The following CSMD1 variants were observed in gnomAD, a reference collection of about 807,000 sequenced individuals.
CSMD1 encodes the protein CUB and sushi domain-containing protein 1.
CSMD1 carries 213 observed loss-of-function variants against 417.5 expected under a neutral mutation model. That is an observed-to-expected ratio of 0.51 (90% confidence interval 0.46 to 0.57). CSMD1 has a LOEUF of 0.57. Ranked by LOEUF, CSMD1 falls within the 20% of genes least tolerant of loss-of-function variation. The pLI is 0.00. For missense variants in CSMD1, 6,923 were observed against 4,529.7 expected (o/e 1.53, Z -15.17); for synonymous variants, 2,862 against 1,736.8 (o/e 1.65, Z -16.11).
At chr8:3,377,552 G>C (rs1420083853) in intron 18 of CSMD1, among the ~76,000 whole-genome samples, 2 of 152,004 alleles carry the variant, frequency 1.3e-5, no homozygotes, top group African/African-American at 4.8e-5. Flanking sequence ...AAACCTATTG[G>C]CTCTTTTTGG....
intron 7 of CSMD1, among the ~76,000 whole-genome samples, chr8:3,660,602 C>G (rs997680689): frequency 1.4e-5 from 2 of 146,838 alleles, no homozygotes; most frequent in Non-Finnish European, 3.0e-5. Context: ...CTCACTGCAC[C>G]CTCCACCTCC....
At chr8:4,371,718 G>A (rs899562853) in intron 3 of CSMD1, among the ~76,000 whole-genome samples, 2 of 152,176 alleles carry the variant, frequency 1.3e-5, no homozygotes, top group African/African-American at 4.8e-5. Flanking sequence ...TTGTATGTAT[G>A]TATGTTTTTA....
chr8:3,795,143 C>A (rs1249712345), intron 5 of CSMD1, among the ~76,000 whole-genome samples: 2 of 58,270 alleles, frequency 3.4e-5, no homozygotes, highest in South Asian at 6.1e-4. Flanking sequence ...CTATAGATAT[C>A]TATCATGTAC....
chr8:4,036,960 T>TG (rs1797651205), intron 3 of CSMD1, among the ~76,000 whole-genome samples: 1 of 11,290 alleles, frequency 8.9e-5, no homozygotes, highest in Non-Finnish European at 1.8e-4. Context: ...GTGTGGGGTG[T>TG]GTGTGTGTGT....
intron 2 of CSMD1, among the ~76,000 whole-genome samples, chr8:4,536,352 T>A (rs1004759623): frequency 2.6e-5 from 4 of 152,188 alleles, no homozygotes; most frequent in African/African-American, 9.7e-5. Context: ...TGTGTAATAT[T>A]TATTTGCTTG....
At chr8:3,589,798 A>ATTG (rs2117018468) in intron 8 of CSMD1, among the ~76,000 whole-genome samples, 1 of 152,278 alleles carries the variant, frequency 6.6e-6, no homozygotes, top group African/African-American at 2.4e-5. Flanking sequence ...GGGTATGTTA[A>ATTG]TTAGCTTGAT....
chr8:3,636,358 A>C (rs1218054530), intron 7 of CSMD1, among the ~76,000 whole-genome samples: 1 of 152,148 alleles, frequency 6.6e-6, no homozygotes, highest in Non-Finnish European at 1.5e-5. Flanking sequence ...TTGGATTTTT[A>C]GTAGAGATGA....
intron 2 of CSMD1, among the ~76,000 whole-genome samples, chr8:4,456,087 A>AAAGTACG (rs1563195112): frequency 3.4e-5 from 5 of 148,742 alleles, no homozygotes; most frequent in African/African-American, 1.2e-4. Flanking sequence ...AAAAAATGTG[A>AAAGTACG]AAGTACGTAC....
intron 1 of CSMD1, among the ~76,000 whole-genome samples, chr8:4,977,057 A>C (rs1459937995): frequency 6.6e-6 from 1 of 152,162 alleles, no homozygotes; most frequent in Non-Finnish European, 1.5e-5. Context: ...ATTTTTATAC[A>C]GCTTTTAGTA....
intron 5 of CSMD1, among the ~76,000 whole-genome samples, chr8:3,824,300 C>T (rs17067689): frequency 0.021 from 3,181 of 151,304 alleles, 107 homozygotes; most frequent in African/African-American, 0.071. Context: ...TGTTAACAAA[C>T]GGGCACAACA....
chr8:3,774,416 C>T (rs1798791148), intron 5 of CSMD1, among the ~76,000 whole-genome samples: 1 of 152,126 alleles, frequency 6.6e-6, no homozygotes. Flanking sequence ...ATGCCGTCAG[C>T]CTGCTTTCCA....
chr8:4,690,259 C>T (rs186624154), intron 1 of CSMD1, among the ~76,000 whole-genome samples: 75 of 152,198 alleles, frequency 4.9e-4, no homozygotes, highest in African/African-American at 1.4e-3. Context: ...AATGAAATTT[C>T]CCTTGCTTTC....
At chr8:4,531,919 T>C (rs1300612497) in intron 2 of CSMD1, among the ~76,000 whole-genome samples, 2 of 147,650 alleles carry the variant, frequency 1.4e-5, no homozygotes, top group African/African-American at 5.0e-5. Flanking sequence ...GGAAAAGAAA[T>C]CCTGCAAGCC....
intron 23 of CSMD1, among the ~76,000 whole-genome samples, chr8:3,321,704 G>A (rs886162213): frequency 3.3e-5 from 5 of 152,152 alleles, no homozygotes; most frequent in African/African-American, 1.2e-4. Context: ...GTCTGTAAGT[G>A]CTTTTGATTC....
chr8:4,648,910 T>C lies in CSMD1; in HGVS notation c.86-11352A>G, dbSNP rs571913066. On this transcript the variant is annotated intron_variant, in intron 1 of 69. Transcript: ENST00000635120. ...ATAAGAGTGTGCTTCCGCATATACGTAAATCAATTTCAGTCTGCAATGAAG... is the reference window on the plus strand; with the variant it reads ...ATAAGAGTGTGCTTCCGCATATACGCAAATCAATTTCAGTCTGCAATGAAG... Among the ~76,000 whole-genome samples the C allele has an allele frequency of 3.4e-4, 52 of 152,304 alleles. No homozygotes were observed. The South Asian group carries it at 0.011, about 32-fold the overall frequency.
chr8:3,905,686 A>C (rs1808061794), intron 5 of CSMD1, among the ~76,000 whole-genome samples: 1 of 152,166 alleles, frequency 6.6e-6, no homozygotes, highest in Admixed American at 6.5e-5. Context: ...ACTCTTTGAG[A>C]ACCACACTCA....
chr8:4,676,530 G>C (rs1006534076), intron 1 of CSMD1, among the ~76,000 whole-genome samples: 1 of 152,078 alleles, frequency 6.6e-6, no homozygotes, highest in Non-Finnish European at 1.5e-5. Context: ...ATAATTTCCT[G>C]TTGGTCTACA....
intron 3 of CSMD1, among the ~76,000 whole-genome samples, chr8:4,396,850 G>C (rs558977670): frequency 6.6e-6 from 1 of 152,034 alleles, no homozygotes; most frequent in African/African-American, 2.4e-5. Flanking sequence ...AAAGGCATAA[G>C]AATGATACAA....
At chr8:4,769,557 C>A (rs1796500156) in intron 1 of CSMD1, among the ~76,000 whole-genome samples, 2 of 152,120 alleles carry the variant, frequency 1.3e-5, no homozygotes, top group African/African-American at 4.8e-5. Flanking sequence ...TGTCACCAAA[C>A]AGCAATTTTG....
Sources: allele counts gnomAD v4.1 joint callset (sites outside exome capture counted in the v4.1 genomes callset), GRCh38; gene constraint gnomAD v4.1.1; transcripts MANE v1.5; gene names NCBI Gene and HGNC (gene_info 2026-07-23, HGNC 2026-07-21).